The following FOXN3 variants were observed in gnomAD, a reference collection of about 807,000 sequenced individuals.
The protein encoded by FOXN3 is forkhead box N3, also known as forkhead box protein N3.
A neutral mutation model predicts 38.4 loss-of-function variants in FOXN3; 7 were observed. The ratio of observed to expected loss-of-function variants is 0.18; its 90% CI spans 0.10 to 0.34. The LOEUF (loss-of-function observed/expected upper bound fraction) is 0.34, where lower values mean the gene tolerates loss of function less well. Ranked by LOEUF, FOXN3 falls within the 10% of genes least tolerant of loss-of-function variation. FOXN3 has a pLI of 1.00. For missense variants in FOXN3, 456 were observed against 613.4 expected, an observed-to-expected ratio of 0.74 and a Z score of 2.71; for synonymous variants, 230 against 242.2, an observed-to-expected ratio of 0.95 and a Z score of 0.47.
rs770297981 is a variant in FOXN3, at chr14:89,162,734, G to A, written c.1087C>T (p.Arg363Trp). 6.8e-6 allele frequency: 11 copies of A among 1,613,594 alleles called. No individual in the cohort carries two copies. The highest frequency in any genetic ancestry group is 6.7e-5 in the African/African-American group (5 of 74,878). The change falls in exon 6 of 6, where the codon CGG (arginine) becomes TGG (tryptophan). Residue 363 changes from arginine (R) to tryptophan (W), a missense_variant. This residue lies in a region of FOXN3 where 386 missense variants were observed against 505.2 expected (regional missense o/e 0.76). Coordinates refer to ENST00000557258, the MANE Select transcript of FOXN3 (RefSeq NM_005197.4). This position sits in a 1 kb window ranked among gnomAD's most constrained non-coding sequence, Gnocchi z 7.2. ...GTGTCGCTGGGGCTCTCGTGGCTCC[G>A]GAAGCTCCCCTCGCTGCCCTCGCTG... Reference protein sequence around the residue: ...EGSEGSEGSFRSHESPSDTEE... With the variant: ...EGSEGSEGSFWSHESPSDTEE...
chr14:89,333,990 A>ATATATATATATATATATC (rs1888352862), intron 3 of FOXN3, among the ~76,000 whole-genome samples: 1 of 90,774 alleles, frequency 1.1e-5, no homozygotes, highest in African/African-American at 5.4e-5. Flanking sequence ...ATATATATAT[A>ATATATATATATATATATC]TATATATATA....
chr14:89,525,722 C>T (rs1421582003), intron 1 of FOXN3, among the ~76,000 whole-genome samples: 1 of 150,518 alleles, frequency 6.6e-6, no homozygotes. Context: ...TAATTCTACA[C>T]AAATGCTTCC....
intron 1 of FOXN3, among the ~76,000 whole-genome samples, chr14:89,450,429 G>A (rs1407917023): frequency 6.6e-6 from 1 of 152,128 alleles, no homozygotes; most frequent in Non-Finnish European, 1.5e-5. Context: ...TATAAAATGT[G>A]CCTCCGTAGA....
At chr14:89,371,820 A>G (rs1890326152) in intron 2 of FOXN3, among the ~76,000 whole-genome samples, 1 of 152,110 alleles carries the variant, frequency 6.6e-6, no homozygotes, top group South Asian at 2.1e-4. Flanking sequence ...GCACCCTGCT[A>G]TCAAAGACCA....
At chr14:89,441,860 T>A (rs1892390703) in intron 1 of FOXN3, among the ~76,000 whole-genome samples, 1 of 151,000 alleles carries the variant, frequency 6.6e-6, no homozygotes, top group South Asian at 2.1e-4. Flanking sequence ...GCATTAACCC[T>A]GGCCTTGAGG....
rs1004242502 is a variant in FOXN3 at position 89,184,610 on chromosome 14, G to A, written c.746-3804C>T. 1.7e-4 allele frequency among the ~76,000 whole-genome samples: 26 copies of A among 152,250 alleles called. 1 individual carries two copies. Among genetic ancestry groups the A allele is most frequent in the Admixed American group, 1.3e-4 (2 of 15,284 alleles). On this transcript the variant is annotated intron_variant, in intron 4 of 5. Coordinates refer to ENST00000557258, the MANE Select transcript of FOXN3 (RefSeq NM_005197.4). ...AAGAGTGTGAGCTCTGAGCCACACAGCCTCAGTTTGGCCTTGCCCCGTTAC... is the reference window on the plus strand; with the variant it reads ...AAGAGTGTGAGCTCTGAGCCACACAACCTCAGTTTGGCCTTGCCCCGTTAC...
At chr14:89,321,005 T>A (rs1365286124) in intron 3 of FOXN3, among the ~76,000 whole-genome samples, 1 of 151,994 alleles carries the variant, frequency 6.6e-6, no homozygotes, top group Non-Finnish European at 1.5e-5. Flanking sequence ...TTTAAAAAAT[T>A]GGCCAGGCAT....
At chr14:89,263,375 C>A (rs1885868530) in intron 4 of FOXN3, among the ~76,000 whole-genome samples, 1 of 151,736 alleles carries the variant, frequency 6.6e-6, no homozygotes, top group East Asian at 1.9e-4. Context: ...AAAAAACCAA[C>A]TCATTCTTGG....
chr14:89,433,387 C>T (rs1294873256), intron 1 of FOXN3, among the ~76,000 whole-genome samples: 2 of 152,192 alleles, frequency 1.3e-5, no homozygotes, highest in African/African-American at 2.4e-5. Context: ...TAGACTGAGG[C>T]AGAAGAATCG....
chr14:89,543,265 C>G (rs1027222433), intron 1 of FOXN3, among the ~76,000 whole-genome samples: 4 of 152,144 alleles, frequency 2.6e-5, no homozygotes, highest in African/African-American at 9.7e-5. Context: ...ACGGTCCACA[C>G]CCATTGCCTG....
At chr14:89,492,150 C>A (rs1359436218) in intron 1 of FOXN3, among the ~76,000 whole-genome samples, 1 of 152,190 alleles carries the variant, frequency 6.6e-6, no homozygotes, top group African/African-American at 2.4e-5. Flanking sequence ...GGTTATTGAG[C>A]CCAAGTTTTC....
chr14:89,443,425 A>G (rs1047182422), intron 1 of FOXN3, among the ~76,000 whole-genome samples: 5 of 152,186 alleles, frequency 3.3e-5, no homozygotes, highest in Non-Finnish European at 7.3e-5. Context: ...GACTTCAGTT[A>G]AAGACAATAT....
chr14:89,378,847 C>G (rs1045669948), intron 2 of FOXN3, among the ~76,000 whole-genome samples: 3 of 152,010 alleles, frequency 2.0e-5, no homozygotes, highest in African/African-American at 7.2e-5. Context: ...CCTGGGATTA[C>G]AGGCACACAC....
At chr14:89,247,938 T>C (rs1885343483) in intron 4 of FOXN3, among the ~76,000 whole-genome samples, 1 of 152,250 alleles carries the variant, frequency 6.6e-6, no homozygotes, top group African/African-American at 2.4e-5. Flanking sequence ...TGTTTGTTCC[T>C]ACCATCTTTG....
intron 1 of FOXN3, among the ~76,000 whole-genome samples, chr14:89,463,252 C>T (rs1386173498): frequency 4.7e-5 from 7 of 149,230 alleles, no homozygotes; most frequent in Middle Eastern, 3.2e-3. Context: ...CCAGCCTGGG[C>T]GACAGAGCAA....
At chr14:89,542,765 C>G (rs1430651713) in intron 1 of FOXN3, among the ~76,000 whole-genome samples, 1 of 152,162 alleles carries the variant, frequency 6.6e-6, no homozygotes, top group Non-Finnish European at 1.5e-5. Context: ...TTTTTCCTGC[C>G]ATCGATGGGT....
At chr14:89,595,591 G>A (rs955539125) in intron 1 of FOXN3, among the ~76,000 whole-genome samples, 8 of 152,178 alleles carry the variant, frequency 5.3e-5, no homozygotes, top group African/African-American at 1.7e-4. Context: ...CAACTTAACC[G>A]AAATTTATTT....
At chr14:89,529,053 C>T (rs1894497507) in intron 1 of FOXN3, among the ~76,000 whole-genome samples, 1 of 152,166 alleles carries the variant, frequency 6.6e-6, no homozygotes, top group African/African-American at 2.4e-5. Context: ...TATGTTAAGA[C>T]ATGCTTCCTA....
intron 1 of FOXN3, among the ~76,000 whole-genome samples, chr14:89,546,339 T>C (rs112101431): frequency 2.3e-5 from 2 of 87,512 alleles, no homozygotes; most frequent in Admixed American, 1.5e-4. Flanking sequence ...CTTTTTTTTT[T>C]TTTTTTTTTG....
Sources: allele counts gnomAD v4.1 joint callset (sites outside exome capture counted in the v4.1 genomes callset), GRCh38; gene constraint gnomAD v4.1.1; regional missense constraint gnomAD v4.1.1; non-coding constraint Gnocchi (gnomAD v3.1); transcripts MANE v1.5; gene names NCBI Gene and HGNC (gene_info 2026-07-23, HGNC 2026-07-21).